Variants in MYO18A observed in about 807,000 individuals in gnomAD.
The protein encoded by MYO18A is myosin XVIIIA.
A neutral mutation model predicts 235.8 loss-of-function variants in MYO18A; 78 were observed. That is an observed-to-expected ratio of 0.33 (90% CI 0.28 to 0.40). The LOEUF is 0.40. Ranked by LOEUF, MYO18A falls within the 10% of genes least tolerant of loss-of-function variation. The pLI is 1.00. For missense variants in MYO18A, 2,215 were observed against 2,699.3 expected (o/e 0.82, Z 3.98); for synonymous variants, 977 against 1,077.8 (o/e 0.91, Z 1.83).
At chr17:29,159,907 A>G (rs542367516) in intron 2 of MYO18A, among the ~76,000 whole-genome samples, 2 of 152,218 alleles carry the variant, frequency 1.3e-5, no homozygotes, top group East Asian at 1.9e-4. Flanking sequence ...CTGGCCTCTA[A>G]TAAGCTAGAA....
intron 21 of MYO18A, among the ~76,000 whole-genome samples, chr17:29,103,272 T>G (rs7405754): frequency 3.3e-5 from 5 of 152,348 alleles, no homozygotes; most frequent in African/African-American, 1.2e-4. Context: ...CTGTCTCCCC[T>G]ACTCCCCACA....
At chr17:29,107,603 TAAAAAAA>T (rs35996808) in intron 19 of MYO18A, 11 of 102,848 alleles carry the variant, frequency 1.1e-4, no homozygotes, top group South Asian at 3.7e-4. Flanking sequence ...CTTATGGTCT[TAAAAAAA>T]AAAAAAAAAA....
chr17:29,137,635 T>C (rs2067635989), intron 2 of MYO18A, among the ~76,000 whole-genome samples: 1 of 152,186 alleles, frequency 6.6e-6, no homozygotes, highest in South Asian at 2.1e-4. Flanking sequence ...GCACTCTATA[T>C]AACAGCTCCA....
chr17:29,142,762 T>A (rs2067768524), intron 2 of MYO18A, among the ~76,000 whole-genome samples: 2 of 152,272 alleles, frequency 1.3e-5, no homozygotes, highest in South Asian at 4.1e-4. Context: ...GGCTCTTGCA[T>A]GAAGTAAACT....
At position 29,072,964 on chromosome 17, in the gene MYO18A, C is replaced by T. The variant is rs913056602; in HGVS notation, c.*1806G>A. ...CAGCACTCCCAACCTATTCACATTG[C>T]CCTGTGGGCCCGAGCTAGTTCTGCC... On this transcript the variant is annotated 3_prime_UTR_variant, in exon 42 of 42. Coordinates refer to ENST00000527372, the MANE Select transcript of MYO18A (RefSeq NM_078471.4). The T allele has an allele frequency of 2.0e-5, 3 of 152,096 alleles. No homozygotes were observed. The highest frequency in any genetic ancestry group is 2.9e-5 in the Non-Finnish European group (2 of 68,016). 9.4% of individuals were successfully genotyped at this position (152,096 alleles called of 1,614,324 possible).
chr17:29,124,189 GTAAC>G (rs1034825606), intron 2 of MYO18A, among the ~76,000 whole-genome samples: 2 of 152,198 alleles, frequency 1.3e-5, no homozygotes, highest in African/African-American at 4.8e-5. Context: ...ATCATAGCCT[GTAAC>G]TAACTCCCTT....
At position 29,106,584 on chromosome 17, in the gene MYO18A, C is replaced by T. The variant is rs995642715; in HGVS notation, c.3441+496G>A. Among the ~76,000 whole-genome samples the T allele has an allele frequency of 7.2e-5, 11 of 152,168 alleles. No individual in the cohort carries two copies. The highest frequency in any genetic ancestry group is 4.6e-4 in the Admixed American group (7 of 15,288). On this transcript the variant is annotated intron_variant, in intron 20 of 41. Coordinates refer to ENST00000527372, the MANE Select transcript of MYO18A (RefSeq NM_078471.4). This position sits in a 1 kb window ranked among gnomAD's most constrained non-coding sequence, Gnocchi z 4.6. ...CTGGGGCTCAAGGTGATAGCCCAGA[C>T]GGGCAGGGACACCCCTTCCGCAGCC... is the stretch of plus-strand genomic sequence containing the variant.
chr17:29,087,164 A>G (rs776924197), intron 37 of MYO18A, 43 bp from the exon 38 acceptor site: 1 of 1,579,390 alleles, frequency 6.3e-7, no homozygotes, highest in South Asian at 1.2e-5. Flanking sequence ...AGGCAGGCCC[A>G]TCAGCCAGGC....
chr17:29,136,168 G>A (rs1227501786), intron 2 of MYO18A, among the ~76,000 whole-genome samples: 1 of 150,334 alleles, frequency 6.7e-6, no homozygotes, highest in Non-Finnish European at 1.5e-5. Context: ...GGCAGAGGTT[G>A]TAGTGAGCAG....
At chr17:29,114,518 C>T (rs1427752655) in intron 14 of MYO18A, among the ~76,000 whole-genome samples, 1 of 152,232 alleles carries the variant, frequency 6.6e-6, no homozygotes, top group Non-Finnish European at 1.5e-5. Flanking sequence ...CCATCCGGGA[C>T]ACCCTTTTAC....
chr17:29,115,162 C>A, intron 13 of MYO18A, 63 bp from the exon 14 acceptor site: 1 of 1,525,778 alleles, frequency 6.6e-7, no homozygotes, highest in Non-Finnish European at 8.9e-7. Flanking sequence ...GAAGCCCCAC[C>A]CTGCCCAAGC....
In MYO18A at chr17:29,121,203, G is replaced by A. The variant is rs558099485; in HGVS notation, c.1380C>T (p.His460=). The A allele has an allele frequency of 1.2e-5, 19 of 1,606,504 alleles. No homozygotes were observed. In the East Asian group the frequency reaches 1.3e-4, roughly 11 times the overall value. The part of the protein sequence containing the change: ...APAVYSEKVM[H]MFKGCRREDM... Reference sequence around the variant, plus strand: ...CCTCCCGCCGACAACCCTTGAACATGTGCATCACCTTGGGCAGGAGAGCAA... The same window carrying A: ...CCTCCCGCCGACAACCCTTGAACATATGCATCACCTTGGGCAGGAGAGCAA... Residue 460 remains histidine (H), a synonymous_variant, in exon 6 of 42, where the codon CAC becomes CAT. Coordinates refer to ENST00000527372, the MANE Select transcript of MYO18A (RefSeq NM_078471.4). The surrounding 1 kb of genome is among the most constrained non-coding windows in gnomAD (Gnocchi z 4.2).
chr17:29,089,843 G>A (rs921622152), intron 37 of MYO18A, 118 bp downstream of exon 37: 26 of 1,337,776 alleles, frequency 1.9e-5, no homozygotes, highest in Non-Finnish European at 2.3e-5. Context: ...GCCTGGCAGT[G>A]AGGCACAGGC....
In MYO18A at chr17:29,134,497, C is replaced by T. The variant is rs537698398; in HGVS notation, c.1000-12244G>A. On this transcript the variant is annotated intron_variant, in intron 2 of 41. Coordinates refer to ENST00000527372, the MANE Select transcript of MYO18A (RefSeq NM_078471.4). ...CCATGTCTGGCACCTTAGGAGTCTA[C>T]GTGGGGAGAGGCACTCAAACTCTAT... is the stretch of plus-strand genomic sequence containing the variant. Among the ~76,000 whole-genome samples the T allele has an allele frequency of 7.9e-5, 12 of 152,226 alleles. No homozygotes were observed. The South Asian group carries it at 1.7e-3, about 21-fold the overall frequency.
intron 2 of MYO18A, among the ~76,000 whole-genome samples, chr17:29,164,120 C>A (rs2068231407): frequency 6.6e-6 from 1 of 152,124 alleles, no homozygotes; most frequent in Non-Finnish European, 1.5e-5. Context: ...GAACTCCCAA[C>A]CTCAAGTGAT....
chr17:29,116,185 G>A (rs1469005711), intron 11 of MYO18A, among the ~76,000 whole-genome samples: 1 of 152,226 alleles, frequency 6.6e-6, no homozygotes, highest in Admixed American at 6.5e-5. Context: ...CCTGGGATGG[G>A]CACAAGAACC....
At chr17:29,179,012 C>T (rs568955601) in intron 1 of MYO18A, among the ~76,000 whole-genome samples, 7 of 152,178 alleles carry the variant, frequency 4.6e-5, no homozygotes, top group Non-Finnish European at 1.0e-4. Context: ...AAAGACAAGA[C>T]GAACCCACAC....
At position 29,074,193 on chromosome 17, in the gene MYO18A, A is replaced by G. The variant is rs1185677962; in HGVS notation, c.*577T>C. 2.5e-6 allele frequency: 4 copies of G among 1,598,530 alleles called. No individual in the cohort carries two copies. The East Asian group carries it at 6.7e-5, about 27-fold the overall frequency. Reference sequence around the variant, plus strand: ...TGCTCTCTGAAGGGTGAAGATGGAGATGACATTCCCGAGTCGTTCTTGGGA... The same window carrying G: ...TGCTCTCTGAAGGGTGAAGATGGAGGTGACATTCCCGAGTCGTTCTTGGGA... On this transcript the variant is annotated 3_prime_UTR_variant, in exon 42 of 42. Coordinates refer to ENST00000527372, the MANE Select transcript of MYO18A (RefSeq NM_078471.4). This position sits in a 1 kb window ranked among gnomAD's most constrained non-coding sequence, Gnocchi z 4.4.
At chr17:29,084,537 G>A (rs1284719502) in intron 40 of MYO18A, among the ~76,000 whole-genome samples, 1 of 152,156 alleles carries the variant, frequency 6.6e-6, no homozygotes, top group Non-Finnish European at 1.5e-5. Flanking sequence ...TAAACCTCAC[G>A]TCAAATACAA....
Sources: allele counts gnomAD v4.1 joint callset (sites outside exome capture counted in the v4.1 genomes callset), GRCh38; gene constraint gnomAD v4.1.1; non-coding constraint Gnocchi (gnomAD v3.1); transcripts MANE v1.5; gene names NCBI Gene and HGNC (gene_info 2026-07-23, HGNC 2026-07-21).